Variants in MMRN1 observed in about 807,000 individuals in gnomAD.
The protein encoded by MMRN1 is multimerin-1.
Under a neutral mutation model 100.7 loss-of-function variants are expected in MMRN1, and 94 were observed. That is an observed-to-expected ratio of 0.93 (90% CI 0.79 to 1.11). MMRN1 has a LOEUF of 1.11. MMRN1 is among the 50% of genes least tolerant of loss of function. MMRN1 has a pLI of 0.00. For missense variants in MMRN1, 1,606 were observed against 1,439.1 expected, an observed-to-expected ratio of 1.12 and a Z score of -1.88; for synonymous variants, 575 against 505.0, an observed-to-expected ratio of 1.14 and a Z score of -1.86.
At chr4:89,918,133 G>A (rs935323945) in intron 3 of MMRN1, among the ~76,000 whole-genome samples, 1 of 150,456 alleles carries the variant, frequency 6.6e-6, no homozygotes, top group African/African-American at 2.4e-5. Flanking sequence ...GTTTCAAATA[G>A]TATATATACA....
upstream of MMRN1, among the ~76,000 whole-genome samples, chr4:89,894,205 A>T (rs1464708569): frequency 6.6e-6 from 1 of 152,180 alleles, no homozygotes; most frequent in Non-Finnish European, 1.5e-5. Context: ...TATCTCTGGT[A>T]GAAGTTCCAG....
At position 89,923,170 on chromosome 4, in the gene MMRN1, C is replaced by G. The variant is rs764717626; in HGVS notation, c.853C>G (p.Gln285Glu). Residue 285 changes from glutamine to glutamate, a missense_variant and splice_region_variant, in exon 4 of 8, where the codon CAG becomes GAG. Coordinates refer to ENST00000264790, the MANE Select transcript of MMRN1 (RefSeq NM_007351.3). ...CTTCTCTTTCTGCTTCCTTCTAGCC[C>G]AGGAACAGCAAAGTTTGATACACAC... ...YSGPKCQLRA[Q>E]EQQSLIHTNQ... 5 of 1,613,494 alleles carry G rather than the reference C, an allele frequency of 3.1e-6. No homozygotes were observed. The Admixed American group carries it at 8.3e-5, about 27-fold the overall frequency.
chr4:89,910,023 G>A (rs565796103), intron 2 of MMRN1, among the ~76,000 whole-genome samples: 88 of 151,496 alleles, frequency 5.8e-4, no homozygotes, highest in African/African-American at 2.0e-3. Flanking sequence ...TTTCCAAAGA[G>A]CCTGCAATAA....
rs778039444 is a variant in MMRN1 at position 89,936,262 on chromosome 4, G to A, written c.2582G>A (p.Arg861Gln). 53 of 1,604,814 alleles carry A rather than the reference G, an allele frequency of 3.3e-5. No individual in the cohort carries two copies. The East Asian group carries it at 8.3e-4, about 25-fold the overall frequency. The change falls in exon 6 of 8, where the codon CGG becomes CAG. Residue 861 changes from arginine to glutamine, a missense_variant. Transcript: ENST00000264790. The stretch of plus-strand genomic sequence containing the variant: ...AAGATTTCCAAAAATTTTGAGACTC[G>A]GTTGCAAGACATTGAGTCTAAAGTT... ...TTKISKNFET[R>Q]LQDIESKVTQ...
At chr4:89,910,894 G>A (rs558346946) in intron 2 of MMRN1, among the ~76,000 whole-genome samples, 53 of 151,374 alleles carry the variant, frequency 3.5e-4, no homozygotes, top group Non-Finnish European at 6.5e-4. Flanking sequence ...ACATGTTCAC[G>A]GTTTACCCAT....
intron 6 of MMRN1, among the ~76,000 whole-genome samples, chr4:89,941,467 A>G (rs1218081551): frequency 1.3e-5 from 2 of 152,292 alleles, no homozygotes; most frequent in East Asian, 3.9e-4. Context: ...CAAAATTAGT[A>G]ACGTGTACAT....
intron 6 of MMRN1, among the ~76,000 whole-genome samples, chr4:89,938,818 TA>T (rs1722734724): frequency 6.6e-6 from 1 of 151,990 alleles, no homozygotes; most frequent in Non-Finnish European, 1.5e-5. Flanking sequence ...CTACCAAAAA[TA>T]ACTATTAAAG....
At chr4:89,883,217 C>A (rs926167209) in intron 1 of MMRN1, among the ~76,000 whole-genome samples, 2 of 151,964 alleles carry the variant, frequency 1.3e-5, no homozygotes, top group Non-Finnish European at 2.9e-5. Flanking sequence ...TTGAACAAGT[C>A]TTTTTGTAGA....
chr4:89,887,600 C>A (rs149642989), intron 1 of MMRN1, among the ~76,000 whole-genome samples: 40 of 152,086 alleles, frequency 2.6e-4, no homozygotes, highest in African/African-American at 9.4e-4. Context: ...CTTCCTTGCC[C>A]TTTTTATATG....
chr4:89,889,771 C>A (rs1721009451), intron 1 of MMRN1, among the ~76,000 whole-genome samples: 1 of 152,064 alleles, frequency 6.6e-6, no homozygotes, highest in Non-Finnish European at 1.5e-5. Context: ...TCCTCCCTCA[C>A]CAATGGGGTG....
chr4:89,907,301 T>G (rs1246767009), intron 1 of MMRN1, among the ~76,000 whole-genome samples: 2 of 151,544 alleles, frequency 1.3e-5, no homozygotes, highest in African/African-American at 4.8e-5. Flanking sequence ...GGCCTGAAAT[T>G]TTAAACATCA....
intron 1 of MMRN1, among the ~76,000 whole-genome samples, chr4:89,886,290 G>A (rs866476299): frequency 6.6e-6 from 1 of 151,892 alleles, no homozygotes; most frequent in Non-Finnish European, 1.5e-5. Flanking sequence ...AGACATCCCT[G>A]TTATTGCTGC....
chr4:89,932,659 C>A (rs896710311), intron 5 of MMRN1, among the ~76,000 whole-genome samples: 4 of 152,206 alleles, frequency 2.6e-5, no homozygotes, highest in African/African-American at 9.6e-5. Context: ...AGGCTTGGGG[C>A]TTGCACCCTC....
At chr4:89,923,521 C>T (rs1722155425) in intron 4 of MMRN1, among the ~76,000 whole-genome samples, 1 of 152,154 alleles carries the variant, frequency 6.6e-6, no homozygotes, top group Non-Finnish European at 1.5e-5. Flanking sequence ...TGCTGTGATA[C>T]TAGGTTGTAA....
At chr4:89,928,866 ATTC>A (rs1722347183) in intron 5 of MMRN1, among the ~76,000 whole-genome samples, 1 of 152,194 alleles carries the variant, frequency 6.6e-6, no homozygotes, top group Admixed American at 6.6e-5. Flanking sequence ...TAAGGTACAT[ATTC>A]ATGGATACAG....
At chr4:89,886,738 G>T (rs1416626774) in intron 1 of MMRN1, among the ~76,000 whole-genome samples, 3 of 151,850 alleles carry the variant, frequency 2.0e-5, no homozygotes, top group Non-Finnish European at 4.4e-5. Context: ...GCTACATAAT[G>T]GTTGTACATA....
intron 1 of MMRN1, among the ~76,000 whole-genome samples, chr4:89,907,272 T>C (rs568974144): frequency 6.6e-6 from 1 of 151,694 alleles, no homozygotes; most frequent in East Asian, 1.9e-4. Flanking sequence ...TGCCAGCATG[T>C]CTTCTTACTT....
In MMRN1 at chr4:89,953,073, T is replaced by C. The variant is rs145514914; in HGVS notation, c.3342T>C (p.Pro1114=). Residue 1114 remains proline, a synonymous_variant, in exon 8 of 8, where the codon CCT becomes CCC. Coordinates refer to ENST00000264790, the MANE Select transcript of MMRN1 (RefSeq NM_007351.3). ...CTCATACGTATGGAATGACTATACC[T>C]GGTCCTATCCTGTTTAATAACTTGG... The part of the protein sequence containing the change: ...FASHTYGMTI[P]GPILFNNLDV... The C allele has an allele frequency of 3.1e-6, 5 of 1,613,866 alleles. No homozygotes were observed. The African/African-American group carries it at 5.3e-5, about 17-fold the overall frequency.
intron 5 of MMRN1, among the ~76,000 whole-genome samples, chr4:89,930,275 A>G (rs1441455590): frequency 6.6e-6 from 1 of 152,214 alleles, no homozygotes; most frequent in Non-Finnish European, 1.5e-5. Flanking sequence ...TATGTTTAAT[A>G]TCTTTTCAGA....
Sources: allele counts gnomAD v4.1 joint callset (sites outside exome capture counted in the v4.1 genomes callset), GRCh38; gene constraint gnomAD v4.1.1; transcripts MANE v1.5; gene names NCBI Gene and HGNC (gene_info 2026-07-23, HGNC 2026-07-21).